KAZN: variants seen among roughly 807,000 people sequenced by gnomAD.
KAZN encodes the protein kazrin.
KAZN carries 40 observed loss-of-function variants against 87.4 expected under a neutral mutation model. The observed-to-expected ratio is 0.46, with a 90% confidence interval of 0.36 to 0.60. The LOEUF (loss-of-function observed/expected upper bound fraction) is 0.60, where lower values mean the gene tolerates loss of function less well. KAZN is among the 20% of genes least tolerant of loss of function. The pLI, the probability that KAZN is intolerant of heterozygous loss-of-function variation, is 0.00. For synonymous variants in KAZN, 466 were observed against 458.3 expected (o/e 1.02, Z -0.22); for missense variants, 898 against 1,073.9 (o/e 0.84, Z 2.29).
rs1012621642 is a variant in KAZN at position 14,599,036 on chromosome 1, T to C, written c.39T>C (p.Asp13=). The change falls in exon 1 of 15, where the codon GAT becomes GAC. Residue 13 remains aspartate, a synonymous_variant. Coordinates refer to ENST00000376030, the MANE Select transcript of KAZN (RefSeq NM_201628.3). The surrounding 1 kb of genome is among the most constrained non-coding windows in gnomAD (Gnocchi z 4.4). ...ATAAGCAGCTCGCGCTCCGCATCGA[T>C]GGGGCGGTCCAGTCGGCCAGCCAGG... ...EDNKQLALRI[D]GAVQSASQEV... The C allele has an allele frequency of 4.5e-6, 7 of 1,569,396 alleles. No homozygotes were observed. Among genetic ancestry groups the C allele is most frequent in the Non-Finnish European group, 6.0e-6 (7 of 1,161,940 alleles).
intron 1 of KAZN, among the ~76,000 whole-genome samples, chr1:14,640,257 G>A (rs145554421): frequency 2.6e-3 from 392 of 152,258 alleles, no homozygotes; most frequent in African/African-American, 8.2e-3. Flanking sequence ...GGTTTCAACC[G>A]TCTGGGACCT....
chr1:14,326,073 T>C (rs556368923), intron 2 of KAZN, among the ~76,000 whole-genome samples: 44 of 152,334 alleles, frequency 2.9e-4, no homozygotes, highest in Admixed American at 9.1e-4. Flanking sequence ...CCCAGACTTC[T>C]GCTGTGAACT....
intron 1 of KAZN, among the ~76,000 whole-genome samples, chr1:14,105,275 C>A (rs147217168): frequency 8.6e-4 from 131 of 152,270 alleles, no homozygotes; most frequent in African/African-American, 3.0e-3. Flanking sequence ...CAAAAAGAAC[C>A]AACCCGATCT....
chr1:14,523,062 C>T (rs957554057), intron 2 of KAZN, among the ~76,000 whole-genome samples: 12 of 152,126 alleles, frequency 7.9e-5, no homozygotes, highest in African/African-American at 2.7e-4. Flanking sequence ...AGACACTCAT[C>T]GTCCTAGTCT....
chr1:14,636,016 T>C (rs1030974710), intron 1 of KAZN, among the ~76,000 whole-genome samples: 2 of 152,138 alleles, frequency 1.3e-5, no homozygotes, highest in Non-Finnish European at 2.9e-5. Flanking sequence ...GGAGTAAAAA[T>C]ATACTCTACT....
At chr1:14,392,279 G>A (rs932618384) in intron 2 of KAZN, among the ~76,000 whole-genome samples, 1 of 152,100 alleles carries the variant, frequency 6.6e-6, no homozygotes, top group Non-Finnish European at 1.5e-5. Context: ...ATATGGGGTG[G>A]ACATGTACAT....
chr1:14,285,879 G>A lies in KAZN; in HGVS notation c.249+105287G>A, dbSNP rs113234692. Among the ~76,000 whole-genome samples, 516 of 152,306 alleles carry A rather than the reference G, an allele frequency of 3.4e-3. 2 individuals are homozygous for A. Among genetic ancestry groups the A allele is most frequent in the African/African-American group, 0.012 (481 of 41,574 alleles). Reference sequence around the variant, plus strand: ...CAAGAGCTGACTTGGAGTCAGCAACGAGAGCCTGGTACTGGCTGTGGCCGT... The same window carrying A: ...CAAGAGCTGACTTGGAGTCAGCAACAAGAGCCTGGTACTGGCTGTGGCCGT... On this transcript the variant is annotated intron_variant, in intron 2 of 16. Coordinates refer to the KAZN transcript ENST00000636203.
chr1:14,079,610 C>T lies in KAZN; in HGVS notation c.92-100825C>T, dbSNP rs114883582. 4.5e-3 allele frequency among the ~76,000 whole-genome samples: 688 copies of T among 152,218 alleles called. 11 individuals are homozygous for T. In the South Asian group the frequency reaches 0.066, roughly 15 times the overall value. ...AGTACTAAAACCAGAATGCTAGAAA[C>T]GGAATGATGTCTTTTGCTTCCAAAG... On this transcript the variant is annotated intron_variant, in intron 1 of 16. Transcript: ENST00000636203.
intron 1 of KAZN, among the ~76,000 whole-genome samples, chr1:14,650,242 A>T (rs1221887350): frequency 1.3e-5 from 2 of 152,070 alleles, no homozygotes; most frequent in Admixed American, 1.3e-4. Context: ...TTTACAAGAA[A>T]CATTAAACCA....
rs1459105390 is a variant in KAZN at position 14,089,964 on chromosome 1, G to T, written c.92-90471G>T. Among the ~76,000 whole-genome samples the T allele has an allele frequency of 3.3e-5, 5 of 151,694 alleles. No individual in the cohort carries two copies. The East Asian group carries it at 9.7e-4, about 29-fold the overall frequency. On this transcript the variant is annotated intron_variant, in intron 1 of 16. Transcript: ENST00000636203. ...TCTTCTAGCTTACATAGCGTGTGAT[G>T]AGAAGTTTGTTGATAATGTTTTCTT...
chr1:14,750,285 C>T (rs1029256982), intron 1 of KAZN, among the ~76,000 whole-genome samples: 1 of 152,148 alleles, frequency 6.6e-6, no homozygotes, highest in African/African-American at 2.4e-5. Context: ...ATGGACTCCT[C>T]TGCCTCATTC....
intron 1 of KAZN, among the ~76,000 whole-genome samples, chr1:14,064,672 C>T (rs1223803715): frequency 3.4e-5 from 5 of 147,530 alleles, no homozygotes; most frequent in Admixed American, 6.8e-5. Context: ...CCTGAGAGCA[C>T]GAGGGTGGGG....
intron 2 of KAZN, among the ~76,000 whole-genome samples, chr1:14,495,516 T>C (rs76515655): frequency 0.042 from 6,328 of 152,260 alleles, 449 homozygotes; most frequent in African/African-American, 0.14. Context: ...TTCTGGTAGA[T>C]GAGGCACACT....
chr1:14,394,537 G>A (rs16850197), intron 2 of KAZN, among the ~76,000 whole-genome samples: 1,619 of 151,912 alleles, frequency 0.011, 19 homozygotes, highest in East Asian at 0.037. Context: ...CCTTACACAC[G>A]TTATCACATA....
At chr1:14,771,327 G>A (rs1645012879) in intron 1 of KAZN, among the ~76,000 whole-genome samples, 1 of 152,170 alleles carries the variant, frequency 6.6e-6, no homozygotes, top group Non-Finnish European at 1.5e-5. Flanking sequence ...TCTCTGGGTT[G>A]CAGGATACTC....
rs187605854 is a variant in KAZN at position 14,226,523 on chromosome 1, C to T, written c.249+45931C>T. Among the ~76,000 whole-genome samples the T allele has an allele frequency of 3.5e-4, 54 of 152,196 alleles. No homozygotes were observed. The East Asian group carries it at 4.1e-3, about 11-fold the overall frequency. ...TCTCAGAGAACTTAAAATAGAACTA[C>T]GATTCAACCCAACAACCCTATTACT... On this transcript the variant is annotated intron_variant, in intron 2 of 16. Transcript: ENST00000636203.
At chr1:14,418,958 CCT>C (rs930457717) in intron 2 of KAZN, among the ~76,000 whole-genome samples, 10 of 152,218 alleles carry the variant, frequency 6.6e-5, no homozygotes, top group African/African-American at 1.9e-4. Context: ...AAACTGTCCC[CCT>C]GTGAACTCTT....
intron 1 of KAZN, among the ~76,000 whole-genome samples, chr1:13,966,292 G>A (rs1641941787): frequency 6.6e-6 from 1 of 152,152 alleles, no homozygotes; most frequent in African/African-American, 2.4e-5. Context: ...AGGAGGCAAC[G>A]AAGACCACCT....
intron 8 of KAZN, among the ~76,000 whole-genome samples, chr1:15,083,056 T>G (rs1233935062): frequency 1.3e-5 from 2 of 152,140 alleles, no homozygotes; most frequent in East Asian, 1.9e-4. Flanking sequence ...CCACGTGACC[T>G]TGAGGGCACC....
Sources: gnomAD v4.1 joint callset for allele counts (sites outside exome capture counted in the v4.1 genomes callset) on GRCh38, gnomAD v4.1.1 for gene constraint, Gnocchi (gnomAD v3.1) non-coding constraint, MANE v1.5 for transcripts, NCBI Gene and HGNC (gene_info 2026-07-23, HGNC 2026-07-21) for gene names.